Variants in MYO1B observed in about 807,000 individuals in gnomAD.
MYO1B encodes the protein unconventional myosin-Ib.
MYO1B carries 72 observed loss-of-function variants against 159.7 expected under a neutral mutation model. The observed-to-expected ratio is 0.45, with a 90% confidence interval of 0.37 to 0.55. The LOEUF (loss-of-function observed/expected upper bound fraction) is 0.55, where lower values mean the gene tolerates loss of function less well. Ranked by LOEUF, MYO1B falls within the 20% of genes least tolerant of loss-of-function variation. The probability of loss-of-function intolerance (pLI) is 0.00; values close to 1 mark genes in which losing one functional copy is unlikely to be tolerated. For missense variants in MYO1B, 1,062 were observed against 1,364.8 expected (o/e 0.78, Z 3.50); for synonymous variants, 468 against 473.8 (o/e 0.99, Z 0.16).
At chr2:191,266,229 G>C (rs1391067747) in intron 1 of MYO1B, among the ~76,000 whole-genome samples, 1 of 152,184 alleles carries the variant, frequency 6.6e-6, no homozygotes, top group African/African-American at 2.4e-5. Flanking sequence ...CAGAAGAGTA[G>C]GTAAGCTCTT....
intron 4 of MYO1B, among the ~76,000 whole-genome samples, chr2:191,330,393 C>T (rs529926493): frequency 3.9e-5 from 6 of 152,296 alleles, no homozygotes; most frequent in African/African-American, 1.4e-4. Context: ...AGGGTACAAA[C>T]ACACTCTACC....
intron 1 of MYO1B, among the ~76,000 whole-genome samples, chr2:191,256,562 A>T (rs1686463171): frequency 6.6e-6 from 1 of 152,172 alleles, no homozygotes; most frequent in African/African-American, 2.4e-5. Flanking sequence ...CCTTTGGAAA[A>T]TATGGGGAGA....
At chr2:191,306,924 G>A (rs1689682523) in intron 3 of MYO1B, among the ~76,000 whole-genome samples, 1 of 152,174 alleles carries the variant, frequency 6.6e-6, no homozygotes, top group Admixed American at 6.5e-5. Context: ...GCACCAACCA[G>A]TTATCTGACA....
intron 1 of MYO1B, among the ~76,000 whole-genome samples, chr2:191,266,036 G>A (rs1179810574): frequency 6.6e-6 from 1 of 152,128 alleles, no homozygotes; most frequent in Non-Finnish European, 1.5e-5. Flanking sequence ...GCTCTCTGAA[G>A]TTGACCTGCC....
intron 3 of MYO1B, among the ~76,000 whole-genome samples, chr2:191,325,236 A>G (rs1690977086): frequency 6.6e-6 from 1 of 152,186 alleles, no homozygotes; most frequent in African/African-American, 2.4e-5. Context: ...AGACTTGTAT[A>G]TCTCAATTGT....
chr2:191,259,778 G>A (rs948832865), intron 1 of MYO1B, among the ~76,000 whole-genome samples: 1 of 152,120 alleles, frequency 6.6e-6, no homozygotes, highest in Non-Finnish European at 1.5e-5. Flanking sequence ...TTGGAGTCTG[G>A]GATAACTCCC....
In MYO1B at chr2:191,293,316, A is replaced by G. The variant is rs902833184; in HGVS notation, c.136-2795A>G. Among the ~76,000 whole-genome samples the G allele has an allele frequency of 1.3e-4, 20 of 152,228 alleles. 1 individual carries two copies. The highest frequency in any genetic ancestry group is 2.9e-5 in the Non-Finnish European group (2 of 68,030). On this transcript the variant is annotated intron_variant, in intron 2 of 30. Coordinates refer to ENST00000392318, the MANE Select transcript of MYO1B (RefSeq NM_001130158.3). ...ATTGTTCTGGCTGTTTTTACAGTCTACCAGAGTCAAACGACATTTAGGGAT... is the reference window on the plus strand; with the variant it reads ...ATTGTTCTGGCTGTTTTTACAGTCTGCCAGAGTCAAACGACATTTAGGGAT...
At chr2:191,357,221 G>A (rs1266053235) in intron 7 of MYO1B, among the ~76,000 whole-genome samples, 1 of 152,076 alleles carries the variant, frequency 6.6e-6, no homozygotes, top group Non-Finnish European at 1.5e-5. Context: ...AGTAGGTGCA[G>A]CCTTAGACTA....
At chr2:191,369,276 C>G (rs1694212006) in intron 11 of MYO1B, among the ~76,000 whole-genome samples, 2 of 152,110 alleles carry the variant, frequency 1.3e-5, no homozygotes, top group Admixed American at 1.3e-4. Flanking sequence ...TTCTCTGTTC[C>G]ATAAAATTGA....
At chr2:191,303,059 A>G (rs778985627) in intron 3 of MYO1B, among the ~76,000 whole-genome samples, 1 of 152,242 alleles carries the variant, frequency 6.6e-6, no homozygotes, top group Non-Finnish European at 1.5e-5. Flanking sequence ...AAGGTGAACC[A>G]AAGTAATTTT....
chr2:191,266,546 G>A (rs1327032161), intron 1 of MYO1B, among the ~76,000 whole-genome samples: 1 of 152,190 alleles, frequency 6.6e-6, no homozygotes, highest in Non-Finnish European at 1.5e-5. Flanking sequence ...AGAGCTTGGT[G>A]ATTTAGGAAT....
Position 191,400,942 on chromosome 2 carries a change from C to G in MYO1B, c.2469+107C>G, listed in dbSNP as rs988733950. On this transcript the variant is annotated intron_variant, in intron 23 of 30. Coordinates refer to ENST00000392318, the MANE Select transcript of MYO1B (RefSeq NM_001130158.3). The stretch of plus-strand genomic sequence containing the variant: ...TGACTACAATTAATAGTGGCTCACA[C>G]TGGTGCATGTCCTAGCCGCCAGATT... 11 of 1,063,416 alleles carry G rather than the reference C, an allele frequency of 1.0e-5. No individual in the cohort carries two copies. In the African/African-American group the frequency reaches 1.7e-4, roughly 17 times the overall value. The allele number at this position is 1,063,416 out of a possible 1,614,324, so 65.9% of individuals were successfully genotyped here. A position where few individuals can be genotyped will look rare whatever the true frequency, so the allele number is the denominator to read the frequency against.
At chr2:191,389,401 A>C (rs1695604138) in intron 17 of MYO1B, among the ~76,000 whole-genome samples, 1 of 152,244 alleles carries the variant, frequency 6.6e-6, no homozygotes, top group Admixed American at 6.5e-5. Context: ...ACTTCTAAGT[A>C]TGAGGACTCC....
chr2:191,322,291 A>G (rs187074739), intron 3 of MYO1B, among the ~76,000 whole-genome samples: 18 of 152,254 alleles, frequency 1.2e-4, no homozygotes, highest in Admixed American at 9.2e-4. Context: ...CCCTCAAGAC[A>G]GATGTTTCCT....
intron 7 of MYO1B, among the ~76,000 whole-genome samples, chr2:191,357,931 A>G (rs1442877682): frequency 6.6e-6 from 1 of 152,226 alleles, no homozygotes; most frequent in Non-Finnish European, 1.5e-5. Context: ...CTTATGAGAA[A>G]AGTCATAAAG....
At chr2:191,304,406 A>T (rs1689518822) in intron 3 of MYO1B, among the ~76,000 whole-genome samples, 1 of 152,168 alleles carries the variant, frequency 6.6e-6, no homozygotes, top group African/African-American at 2.4e-5. Flanking sequence ...CCCTGTCTCT[A>T]ATAAATATAC....
chr2:191,299,204 C>T (rs1407715059), intron 3 of MYO1B, among the ~76,000 whole-genome samples: 1 of 152,202 alleles, frequency 6.6e-6, no homozygotes, highest in Non-Finnish European at 1.5e-5. Flanking sequence ...CAGCATGGCA[C>T]TGCTACTCTA....
intron 2 of MYO1B, among the ~76,000 whole-genome samples, chr2:191,293,438 A>G (rs962171181): frequency 3.3e-5 from 5 of 152,180 alleles, no homozygotes; most frequent in African/African-American, 1.2e-4. Context: ...GTGAGTTTAT[A>G]TGGTAAAGTG....
chr2:191,249,185 G>C (rs1294346777), intron 1 of MYO1B, among the ~76,000 whole-genome samples: 1 of 152,110 alleles, frequency 6.6e-6, no homozygotes, highest in Non-Finnish European at 1.5e-5. Context: ...ATTGCACTTT[G>C]CTTCTTAACT....
Sources: allele counts gnomAD v4.1 joint callset (sites outside exome capture counted in the v4.1 genomes callset), GRCh38; gene constraint gnomAD v4.1.1; transcripts MANE v1.5; gene names NCBI Gene and HGNC (gene_info 2026-07-23, HGNC 2026-07-21).